CELSR1: variants seen among roughly 807,000 people sequenced by gnomAD.
CELSR1 encodes the protein cadherin EGF LAG seven-pass G-type receptor 1, also known as adhesion G protein-coupled receptor C1.
Under a neutral mutation model 249.1 loss-of-function variants are expected in CELSR1, and 110 were observed. That is an observed-to-expected ratio of 0.44 (90% confidence interval 0.38 to 0.52). The LOEUF is 0.52. Ranked by LOEUF, CELSR1 falls within the 20% of genes least tolerant of loss-of-function variation. CELSR1 has a pLI of 0.00. For missense variants in CELSR1, 4,109 were observed against 4,296.4 expected (o/e 0.96, Z 1.22); for synonymous variants, 2,113 against 1,900.0 (o/e 1.11, Z -2.92).
intron 1 of CELSR1, among the ~76,000 whole-genome samples, chr22:46,498,639 CA>C (rs2080438478): frequency 6.6e-6 from 1 of 150,418 alleles, no homozygotes; most frequent in Non-Finnish European, 1.5e-5. Context: ...AAAGAAAAAA[CA>C]ACACTCCGGT....
chr22:46,425,258 G>A (rs951402325), intron 5 of CELSR1, among the ~76,000 whole-genome samples: 2 of 152,188 alleles, frequency 1.3e-5, no homozygotes, highest in African/African-American at 4.8e-5. Context: ...GTGGTCTGTG[G>A]TTTTGTTTAG....
intron 24 of CELSR1, among the ~76,000 whole-genome samples, chr22:46,373,712 T>TGGGGGAGAG (rs1350336269): frequency 1.3e-5 from 1 of 78,762 alleles, no homozygotes; most frequent in African/African-American, 5.1e-5. Context: ...ATGGGGGAGA[T>TGGGGGAGAG]GGGGGAGATG....
At position 46,364,196 on chromosome 22, in the gene CELSR1, C is replaced by G; in HGVS notation, c.8835G>C (p.Thr2945=). Residue 2945 remains threonine, a synonymous_variant, in exon 34 of 35, where the codon ACG becomes ACC. Transcript: ENST00000674500. ...GCTTCTCCCGGAGCCGGCCCTTCAG[C>G]GTCTGCTCCGTCAGCGTCAGCGGCG... The part of the protein sequence containing the change: ...YPPPLTLTEQ[T]LKGRLREKLA... 1 of 1,611,790 alleles carries G rather than the reference C, an allele frequency of 6.2e-7. No homozygotes were observed. The highest frequency in any genetic ancestry group is 8.5e-7 in the Non-Finnish European group (1 of 1,179,768).
intron 14 of CELSR1, among the ~76,000 whole-genome samples, chr22:46,392,415 G>A (rs1411339799): frequency 1.3e-5 from 2 of 152,256 alleles, no homozygotes; most frequent in Non-Finnish European, 2.9e-5. Flanking sequence ...TCAGACCTGT[G>A]TGTCAGGTGG....
rs2079567644 is a variant in CELSR1 at position 46,429,206 on chromosome 22, A to C, written c.4611+4187T>G. On this transcript the variant is annotated intron_variant, in intron 5 of 34. Transcript: ENST00000674500. This position sits in a 1 kb window ranked among gnomAD's most constrained non-coding sequence, Gnocchi z 4.1. ...CACTTCCCAAACACCCAGGATGCCG[A>C]GGGCGATGGAGGAGCAGCAAACACT... 1.3e-5 allele frequency among the ~76,000 whole-genome samples: 2 copies of C among 152,300 alleles called. No homozygotes were observed. Among genetic ancestry groups the C allele is most frequent in the South Asian group, 4.1e-4 (2 of 4,824 alleles).
chr22:46,421,264 C>T (rs1265900103), intron 5 of CELSR1, among the ~76,000 whole-genome samples: 1 of 150,548 alleles, frequency 6.6e-6, no homozygotes, highest in Non-Finnish European at 1.5e-5. Context: ...GCAGCCGTGG[C>T]ACAGTGCATC....
In CELSR1 at chr22:46,473,932, C is replaced by T. The variant is rs985561602; in HGVS notation, c.3545-9587G>A. ...TTTCTGGGCAACAATCTAGGACCTG[C>T]GTCTCACGAATGCAGGTTCACGTCA... On this transcript the variant is annotated intron_variant, in intron 1 of 34. Transcript: ENST00000674500. The surrounding 1 kb of genome is among the most constrained non-coding windows in gnomAD (Gnocchi z 6.6). Among the ~76,000 whole-genome samples, 8 of 152,140 alleles carry T rather than the reference C, an allele frequency of 5.3e-5. No homozygotes were observed. Among genetic ancestry groups the T allele is most frequent in the African/African-American group, 1.9e-4 (8 of 41,410 alleles).
chr22:46,366,837 G>A (rs2078788810), intron 29 of CELSR1, among the ~76,000 whole-genome samples, 156 bp downstream of exon 29: 2 of 152,168 alleles, frequency 1.3e-5, no homozygotes, highest in African/African-American at 2.4e-5. Context: ...TTCTGGTTCT[G>A]ACGCGGCAGC....
intron 5 of CELSR1, among the ~76,000 whole-genome samples, chr22:46,416,201 C>T (rs2079399581): frequency 6.6e-6 from 1 of 151,664 alleles, no homozygotes; most frequent in Non-Finnish European, 1.5e-5. Flanking sequence ...AAGAAAAAGA[C>T]AGCGTGGGAA....
Position 46,535,844 on chromosome 22 carries a change from C to T in CELSR1, c.1327G>A (p.Ala443Thr). The change falls in exon 1 of 35, where the codon GCC (alanine) becomes ACC (threonine). Residue 443 changes from alanine to threonine, a missense_variant. Around this residue, in one of 7 missense-constraint regions of CELSR1, gnomAD observed 135 missense variants for 190.0 expected, o/e 0.71. Transcript: ENST00000674500. Reference protein sequence around the residue: ...GRNPGPLSATATVYIEVEDEN... With the variant: ...GRNPGPLSATTTVYIEVEDEN... The stretch of plus-strand genomic sequence containing the variant: ...TCCTCCACCTCGATGTACACGGTGG[C>T]CGTGGCACTGAGCGGGCCCGGATTG... 1 of 1,611,714 alleles carries T rather than the reference C, an allele frequency of 6.2e-7. No individual in the cohort carries two copies. Among genetic ancestry groups the T allele is most frequent in the Non-Finnish European group, 8.5e-7 (1 of 1,179,936 alleles).
In CELSR1 at chr22:46,536,779, A is replaced by G. The variant is rs1399386951; in HGVS notation, c.392T>C (p.Leu131Pro). 2 of 1,184,524 alleles carry G rather than the reference A, an allele frequency of 1.7e-6. No individual in the cohort carries two copies. Among genetic ancestry groups the G allele is most frequent in the Non-Finnish European group, 2.1e-6 (2 of 959,524 alleles). The allele number at this position is 1,184,524 out of a possible 1,614,324, so 73.4% of individuals were successfully genotyped here. The change falls in exon 1 of 35, where the codon CTC becomes CCC. Residue 131 changes from leucine to proline, a missense_variant. Physicochemically the swap from Leu to Pro is moderately conservative, Grantham distance 98. Around this residue, in one of 7 missense-constraint regions of CELSR1, gnomAD observed 673 missense variants for 636.8 expected, o/e 1.06. Coordinates refer to ENST00000674500, the MANE Select transcript of CELSR1 (RefSeq NM_001378328.1). ...GCAGCCGCCGGGGACGGGGAAGCAGAGCGCCCCGCAGAGCCGGGCACCGGT... is the reference window on the plus strand; with the variant it reads ...GCAGCCGCCGGGGACGGGGAAGCAGGGCGCCCCGCAGAGCCGGGCACCGGT... ...CGTGARLCGA[L>P]CFPVPGGCAA...
intron 1 of CELSR1, among the ~76,000 whole-genome samples, chr22:46,483,863 AATAAT>A (rs1170113756): frequency 6.6e-6 from 1 of 152,142 alleles, no homozygotes. Flanking sequence ...AGGAGAGAAA[AATAAT>A]TATTAACTGC....
At chr22:46,364,284 G>T (rs747861453) in intron 33 of CELSR1, 33 bp from the exon 34 acceptor site, 12 of 1,597,420 alleles carry the variant, frequency 7.5e-6, no homozygotes, top group Non-Finnish European at 1.0e-5. Context: ...GGTCAAGTCC[G>T]GGTGATGCTG....
rs570944675 is a variant in CELSR1, at chr22:46,436,508, C to T, written c.4407-219G>A. ...CAGCAAACCAGAATCCATGGGGAGT[C>T]TGGTTACTACGGCCTGTAGAATGCA... On this transcript the variant is annotated intron_variant, in intron 3 of 34. Transcript: ENST00000674500. The surrounding 1 kb of genome is among the most constrained non-coding windows in gnomAD (Gnocchi z 5.9). Among the ~76,000 whole-genome samples, 1 of 152,290 alleles carries T rather than the reference C, an allele frequency of 6.6e-6. No individual in the cohort carries two copies. The highest frequency in any genetic ancestry group is 2.1e-4 in the South Asian group (1 of 4,828).
intron 1 of CELSR1, among the ~76,000 whole-genome samples, chr22:46,483,559 C>T (rs905807319): frequency 6.6e-6 from 1 of 152,110 alleles, no homozygotes; most frequent in Non-Finnish European, 1.5e-5. Flanking sequence ...GCTTTGGTTT[C>T]CTCATCAGTA....
Position 46,408,932 on chromosome 22 carries a change from C to T in CELSR1, c.5226+64G>A, listed in dbSNP as rs1002476289. On this transcript the variant is annotated intron_variant, in intron 9 of 34. Transcript: ENST00000674500. The surrounding 1 kb of genome is among the most constrained non-coding windows in gnomAD (Gnocchi z 4.6). ...CCCGAGTGTGCACCAGGAAGCCCAG[C>T]GCCTGGGTCCCTCCCTCGGGCACCC... The T allele has an allele frequency of 2.8e-5, 39 of 1,373,656 alleles. No individual in the cohort carries two copies. Among genetic ancestry groups the T allele is most frequent in the East Asian group, 2.6e-4 (10 of 38,964 alleles). The allele number at this position is 1,373,656 out of a possible 1,614,324, so 85.1% of individuals were successfully genotyped here. A position where few individuals can be genotyped will look rare whatever the true frequency, so the allele number is the denominator to read the frequency against.
At chr22:46,513,884 C>A (rs546885029) in intron 1 of CELSR1, among the ~76,000 whole-genome samples, 21 of 151,688 alleles carry the variant, frequency 1.4e-4, no homozygotes, top group East Asian at 9.6e-4. Flanking sequence ...CTCTGCCTCC[C>A]GGGGTTCACG....
chr22:46,370,019 C>T (rs1760284058), intron 25 of CELSR1: 2 of 642,260 alleles, frequency 3.1e-6, no homozygotes, highest in Admixed American at 2.1e-5. Flanking sequence ...AGGAGCTGCT[C>T]CTGGATTGGC....
At position 46,423,020 on chromosome 22, in the gene CELSR1, A is replaced by G. The variant is rs2079495607; in HGVS notation, c.4611+10373T>C. ...CTTGCCACCAATGGTCCATGTCTCT[A>G]CCTAGAGGCTGGGCTTGGCCACATG... is the stretch of plus-strand genomic sequence containing the variant. On this transcript the variant is annotated intron_variant, in intron 5 of 34. Coordinates refer to ENST00000674500, the MANE Select transcript of CELSR1 (RefSeq NM_001378328.1). The surrounding 1 kb of genome is among the most constrained non-coding windows in gnomAD (Gnocchi z 5.6). Among the ~76,000 whole-genome samples the G allele has an allele frequency of 6.6e-6, 1 of 152,096 alleles. No homozygotes were observed. Among genetic ancestry groups the G allele is most frequent in the Admixed American group, 6.5e-5 (1 of 15,274 alleles).
Sources: allele counts gnomAD v4.1 joint callset (sites outside exome capture counted in the v4.1 genomes callset), GRCh38; gene constraint gnomAD v4.1.1; regional missense constraint gnomAD v4.1.1; non-coding constraint Gnocchi (gnomAD v3.1); transcripts MANE v1.5; gene names NCBI Gene and HGNC (gene_info 2026-07-23, HGNC 2026-07-21).